Variants in PCCA observed in about 807,000 individuals in gnomAD.
The protein encoded by PCCA is propionyl-CoA carboxylase alpha chain, mitochondrial.
PCCA carries 74 observed loss-of-function variants against 101.3 expected under a neutral mutation model. The observed-to-expected ratio is 0.73, with a 90% confidence interval of 0.61 to 0.89. The LOEUF is 0.89. Ranked by LOEUF, PCCA falls within the 40% of genes least tolerant of loss-of-function variation. PCCA has a pLI of 0.00. For missense variants in PCCA, 891 were observed against 907.0 expected, an observed-to-expected ratio of 0.98 and a Z score of 0.23; for synonymous variants, 294 against 313.6, an observed-to-expected ratio of 0.94 and a Z score of 0.66.
intron 8 of PCCA, among the ~76,000 whole-genome samples, chr13:100,255,460 A>G (rs1405272998): frequency 6.6e-6 from 1 of 152,184 alleles, no homozygotes; most frequent in Non-Finnish European, 1.5e-5. Context: ...AAAAACTGCA[A>G]ATTTCCTAAT....
intron 9 of PCCA, among the ~76,000 whole-genome samples, chr13:100,262,428 A>G (rs1409816436): frequency 3.3e-5 from 5 of 152,114 alleles, no homozygotes; most frequent in African/African-American, 1.2e-4. Flanking sequence ...CAGTTGGTAA[A>G]GTATCGGCAT....
At chr13:100,183,017 A>T (rs190163793) in intron 6 of PCCA, among the ~76,000 whole-genome samples, 24 of 152,268 alleles carry the variant, frequency 1.6e-4, no homozygotes, top group Admixed American at 1.4e-3. Context: ...AATTGCAGCA[A>T]TCAAAGGCTG....
At chr13:100,184,842 GGGCTGGATTTGGCCTGTA>G (rs371557776) in intron 6 of PCCA, among the ~76,000 whole-genome samples, 4,259 of 152,242 alleles carry the variant, frequency 0.028, 93 homozygotes, top group Middle Eastern at 0.061. Flanking sequence ...CAAACGTGGT[GGGCTGGATTTGGCCTGTA>G]GGCTGTAATT....
At chr13:100,203,727 T>A (rs1456120010) in intron 6 of PCCA, among the ~76,000 whole-genome samples, 1 of 152,214 alleles carries the variant, frequency 6.6e-6, no homozygotes, top group Non-Finnish European at 1.5e-5. Context: ...CTTGATATTT[T>A]ATTTCACTTA....
At chr13:100,181,428 C>T (rs1299723937) in intron 6 of PCCA, among the ~76,000 whole-genome samples, 1 of 152,104 alleles carries the variant, frequency 6.6e-6, no homozygotes, top group African/African-American at 2.4e-5. Context: ...TTTCTTTCTT[C>T]TTTGGAAACA....
intron 8 of PCCA, among the ~76,000 whole-genome samples, chr13:100,251,456 A>C (rs919049193): frequency 3.3e-5 from 5 of 152,224 alleles, no homozygotes; most frequent in Admixed American, 6.5e-5. Flanking sequence ...AGTAACTCTT[A>C]CTTTGCATGT....
chr13:100,301,592 G>A lies in PCCA; in HGVS notation c.1198G>A (p.Val400Ile), dbSNP rs759997621. 8 of 1,614,078 alleles carry A rather than the reference G, an allele frequency of 5.0e-6. No individual in the cohort carries two copies. Among genetic ancestry groups the A allele is most frequent in the African/African-American group, 1.3e-5 (1 of 75,042 alleles). ...RINGWAVECR[V>I]YAEDPYKSFG... ...CAACGGCTGGGCAGTTGAATGTCGGGTTTATGCTGAGGTAAAATGAATGGT... is the reference window on the plus strand; with the variant it reads ...CAACGGCTGGGCAGTTGAATGTCGGATTTATGCTGAGGTAAAATGAATGGT... The change falls in exon 13 of 24, where the codon GTT (valine) becomes ATT (isoleucine). Residue 400 changes from valine to isoleucine, a missense_variant. Physicochemically the swap from Val to Ile is conservative, Grantham distance 29. Coordinates refer to ENST00000376285, the MANE Select transcript of PCCA (RefSeq NM_000282.4).
intron 6 of PCCA, among the ~76,000 whole-genome samples, chr13:100,188,837 G>A (rs2057521617): frequency 6.6e-6 from 1 of 151,584 alleles, no homozygotes; most frequent in African/African-American, 2.4e-5. Context: ...AAGTTTGTTG[G>A]CCATCTGTAT....
At chr13:100,497,725 G>A (rs1051805487) in intron 21 of PCCA, among the ~76,000 whole-genome samples, 1 of 152,074 alleles carries the variant, frequency 6.6e-6, no homozygotes, top group Admixed American at 6.5e-5. Flanking sequence ...TGATGTCTAG[G>A]CAAAAATAAA....
In PCCA at chr13:100,157,208, A is replaced by G. The variant is rs1038031494; in HGVS notation, c.415-79A>G. 4 of 922,922 alleles carry G rather than the reference A, an allele frequency of 4.3e-6. No homozygotes were observed. The African/African-American group carries it at 4.9e-5, about 11-fold the overall frequency. 57.2% of individuals were successfully genotyped at this position (922,922 alleles called of 1,614,324 possible). On this transcript the variant is annotated intron_variant, in intron 5 of 23. Transcript: ENST00000376285. Reference sequence around the variant, plus strand: ...GCTCTTGAACAGTAAATATTAATACATAAATGCACTGTACATTTTGCTTAT... The same window carrying G: ...GCTCTTGAACAGTAAATATTAATACGTAAATGCACTGTACATTTTGCTTAT...
intron 7 of PCCA, among the ~76,000 whole-genome samples, chr13:100,222,519 C>T (rs193158308): frequency 6.6e-6 from 1 of 152,296 alleles, no homozygotes. Flanking sequence ...CTACACCATT[C>T]ACATTTACTA....
rs1847315906 is a variant in PCCA, at chr13:100,403,271, G to A, written c.1747-22362G>A. ...AGAGAGATGTCAGGTAATAGTTGGGGGTTGGGAAGGGCCAAACAAACAACA... is the reference window on the plus strand; with the variant it reads ...AGAGAGATGTCAGGTAATAGTTGGGAGTTGGGAAGGGCCAAACAAACAACA... On this transcript the variant is annotated intron_variant, in intron 19 of 23. Transcript: ENST00000376285. 2.6e-5 allele frequency among the ~76,000 whole-genome samples: 4 copies of A among 152,156 alleles called. No individual in the cohort carries two copies. The South Asian group carries it at 8.3e-4, about 32-fold the overall frequency.
At chr13:100,513,358 T>G (rs994843773) in intron 21 of PCCA, among the ~76,000 whole-genome samples, 1 of 152,198 alleles carries the variant, frequency 6.6e-6, no homozygotes, top group Non-Finnish European at 1.5e-5. Context: ...CCAAACAGAT[T>G]TAAGAACAAT....
rs550720931 is a variant in PCCA, at chr13:100,439,657, C to T, written c.1846-9595C>T. Among the ~76,000 whole-genome samples, 31 of 151,788 alleles carry T rather than the reference C, an allele frequency of 2.0e-4. No individual in the cohort carries two copies. In the South Asian group the frequency reaches 6.2e-3, roughly 30 times the overall value. ...GATTTAATGTATTGTTTGTCGTTAG[C>T]GTTTTACATACTAGATTTTCATCGT... On this transcript the variant is annotated intron_variant, in intron 20 of 23. Transcript: ENST00000376285.
chr13:100,354,701 G>A (rs1007457228), intron 18 of PCCA, among the ~76,000 whole-genome samples: 11 of 152,108 alleles, frequency 7.2e-5, no homozygotes, highest in African/African-American at 2.7e-4. Flanking sequence ...TGGTCATAAG[G>A]GAATATTGTG....
At chr13:100,512,214 AC>A (rs1374669021) in intron 21 of PCCA, among the ~76,000 whole-genome samples, 1 of 151,716 alleles carries the variant, frequency 6.6e-6, no homozygotes, top group Non-Finnish European at 1.5e-5. Flanking sequence ...CTTCCTCCTG[AC>A]CCTTTCATGT....
Position 100,368,454 on chromosome 13 carries a change from CT to C in PCCA, c.1644-14del. 2 of 1,322,920 alleles carry C rather than the reference CT, an allele frequency of 1.5e-6. No individual in the cohort carries two copies. Among genetic ancestry groups the C allele is most frequent in the South Asian group, 2.4e-5 (2 of 82,742 alleles). The allele number at this position is 1,322,920 out of a possible 1,614,324, so 81.9% of individuals were successfully genotyped here. A position where few individuals can be genotyped will look rare whatever the true frequency, so the allele number is the denominator to read the frequency against. The stretch of plus-strand genomic sequence containing the variant: ...TAATATAAAATTATTAACTCTTTTT[CT>C]TTTCATTCTACTTCAGAATGCCTGT... On this transcript the variant is annotated splice_polypyrimidine_tract_variant and intron_variant, in intron 18 of 23. Transcript: ENST00000376285.
intron 22 of PCCA, among the ~76,000 whole-genome samples, chr13:100,525,410 AGCCAG>A (rs2087711299): frequency 6.6e-6 from 1 of 152,204 alleles, no homozygotes; most frequent in Non-Finnish European, 1.5e-5. Context: ...AGAAGCACAG[AGCCAG>A]CCAGAAAGAT....
At chr13:100,493,290 T>TTCTG (rs2085037998) in intron 21 of PCCA, among the ~76,000 whole-genome samples, 2 of 152,216 alleles carry the variant, frequency 1.3e-5, no homozygotes, top group African/African-American at 4.8e-5. Flanking sequence ...TCCCATTTCA[T>TTCTG]TCTGACACAG....
Sources: gnomAD v4.1 joint callset for allele counts (sites outside exome capture counted in the v4.1 genomes callset) on GRCh38, gnomAD v4.1.1 for gene constraint, MANE v1.5 for transcripts, NCBI Gene and HGNC (gene_info 2026-07-23, HGNC 2026-07-21) for gene names.